Variants in TEX15 observed in about 807,000 individuals in gnomAD.
TEX15 encodes the protein testis expressed 15, meiosis and synapsis associated.
Under a neutral mutation model 237.3 loss-of-function variants are expected in TEX15, and 171 were observed. The observed-to-expected ratio is 0.72, with a 90% CI of 0.64 to 0.82. TEX15 has a LOEUF of 0.82. TEX15 is among the 40% of genes least tolerant of loss of function. The probability of loss-of-function intolerance (pLI) is 0.00; values close to 1 mark genes in which losing one functional copy is unlikely to be tolerated. For synonymous variants in TEX15, 1,338 were observed against 1,269.8 expected, an observed-to-expected ratio of 1.05 and a Z score of -1.14; for missense variants, 3,750 against 3,646.5, an observed-to-expected ratio of 1.03 and a Z score of -0.73.
intron 2 of TEX15, chr8:30,888,696 G>A: frequency 1.2e-5 from 15 of 1,263,272 alleles, no homozygotes; most frequent in Non-Finnish European, 1.5e-5. Flanking sequence ...TCCAACATTA[G>A]ATCACAATCC....
At chr8:30,836,689 A>G (rs1475417224) in intron 10 of TEX15, 114 bp downstream of exon 10, 8 of 971,154 alleles carry the variant, frequency 8.2e-6, no homozygotes, top group Non-Finnish European at 1.2e-5. Context: ...CTGTACAGAA[A>G]AATGACTGCT....
chr8:30,849,442 G>A (rs1807718882), intron 7 of TEX15, 126 bp from the exon 8 acceptor site: 1 of 535,286 alleles, frequency 1.9e-6, no homozygotes, highest in Non-Finnish European at 3.1e-6. Context: ...TGATTAAAAT[G>A]TGTTTTCAAC....
intron 10 of TEX15, among the ~76,000 whole-genome samples, chr8:30,836,022 A>G (rs1163969971): frequency 6.6e-6 from 1 of 152,162 alleles, no homozygotes; most frequent in Non-Finnish European, 1.5e-5. Flanking sequence ...AGAAAATGCA[A>G]GAAAAAATTC....
At chr8:30,860,395 A>T (rs1436928367) in intron 5 of TEX15, among the ~76,000 whole-genome samples, 1 of 150,932 alleles carries the variant, frequency 6.6e-6, no homozygotes, top group East Asian at 1.9e-4. Context: ...TATAGGCATG[A>T]GCCACCGTGC....
intron 1 of TEX15, among the ~76,000 whole-genome samples, chr8:30,907,321 C>A (rs1032467394): frequency 1.3e-5 from 2 of 151,792 alleles, no homozygotes; most frequent in Non-Finnish European, 2.9e-5. Context: ...GGATAATATT[C>A]AAAATTTGCG....
Position 30,848,005 on chromosome 8 carries a change from G to A in TEX15, c.2162C>T (p.Ser721Leu), listed in dbSNP as rs1438289383. The change falls in exon 8 of 11, where the codon TCA (serine) becomes TTA (leucine). Residue 721 changes from serine to leucine, a missense_variant. Coordinates refer to ENST00000643185, the MANE Select transcript of TEX15 (RefSeq NM_001350162.2). Reference protein sequence around the residue: ...WQITPSFESLSQKHPQHSVEY... With the variant: ...WQITPSFESLLQKHPQHSVEY... ...CACAGAGTGCTGAGGATGCTTTTGTGACAGGCTCTCAAAACTTGGAGTAAT... is the reference window on the plus strand; with the variant it reads ...CACAGAGTGCTGAGGATGCTTTTGTAACAGGCTCTCAAAACTTGGAGTAAT... The A allele has an allele frequency of 1.9e-6, 3 of 1,613,918 alleles. No individual in the cohort carries two copies. The highest frequency in any genetic ancestry group is 2.5e-6 in the Non-Finnish European group (3 of 1,179,930).
intron 3 of TEX15, among the ~76,000 whole-genome samples, chr8:30,881,930 T>C (rs1268601938): frequency 6.6e-6 from 1 of 152,080 alleles, no homozygotes; most frequent in East Asian, 1.9e-4. Flanking sequence ...GCCTTTCTTT[T>C]TCTGGTTTCT....
intron 8 of TEX15, 66 bp from the exon 9 acceptor site, chr8:30,840,030 A>ATAG: frequency 2.1e-6 from 2 of 949,386 alleles, no homozygotes; most frequent in Non-Finnish European, 3.0e-6. Context: ...AATAATTATT[A>ATAG]TTTCAATATT....
intron 7 of TEX15, among the ~76,000 whole-genome samples, chr8:30,851,709 G>C (rs1807788077): frequency 6.6e-6 from 1 of 151,734 alleles, no homozygotes; most frequent in South Asian, 2.1e-4. Flanking sequence ...GTTTAGACTG[G>C]GTGAATCTTC....
In TEX15 at chr8:30,844,667, T is replaced by C. The variant is rs763498128; in HGVS notation, c.5500A>G (p.Ile1834Val). The change falls in exon 8 of 11, where the codon ATT becomes GTT. Residue 1834 changes from isoleucine to valine, a missense_variant. Ile to Val is a conservative substitution (Grantham distance 29, BLOSUM62 3). Coordinates refer to ENST00000643185, the MANE Select transcript of TEX15 (RefSeq NM_001350162.2). Reference sequence around the variant, plus strand: ...CTGTCCTCAGTGTCTTTCTTCACAATACATGTTTCTGAAGAGGAGCCTTTT... The same window carrying C: ...CTGTCCTCAGTGTCTTTCTTCACAACACATGTTTCTGAAGAGGAGCCTTTT... ...NVKGSSSETC[I>V]VKKDTEDRIT... 5.0e-6 allele frequency: 8 copies of C among 1,613,332 alleles called. No homozygotes were observed. Among genetic ancestry groups the C allele is most frequent in the African/African-American group, 1.3e-5 (1 of 75,040 alleles).
At position 30,849,176 on chromosome 8, in the gene TEX15, C is replaced by T; in HGVS notation, c.991G>A (p.Glu331Lys). Residue 331 changes from glutamate to lysine, a missense_variant, in exon 8 of 11, where the codon GAG becomes AAG. By Grantham distance (56) the Glu-to-Lys change is moderately conservative. Transcript: ENST00000643185. ...ENCLCNALNSEINPFISNISN... is the reference protein window; with the variant it reads ...ENCLCNALNSKINPFISNISN... ...ATATTTGAGATGAAAGGATTTATCT[C>T]TGAATTTAGTGCATTGCATAAACAG... is the stretch of plus-strand genomic sequence containing the variant. 2 of 1,543,750 alleles carry T rather than the reference C, an allele frequency of 1.3e-6. No homozygotes were observed. The highest frequency in any genetic ancestry group is 2.4e-5 in the East Asian group (1 of 41,158).
At position 30,845,251 on chromosome 8, in the gene TEX15, C is replaced by A. The variant is rs1358140986; in HGVS notation, c.4916G>T (p.Cys1639Phe). Residue 1639 changes from cysteine (C) to phenylalanine (F), a missense_variant, in exon 8 of 11, where the codon TGC (cysteine) becomes TTC (phenylalanine). By Grantham distance (205) the Cys-to-Phe change is radical. Transcript: ENST00000643185. ...AGTTTTCGCCTTTGTGTGACCTATG[C>A]AAGTTGCATCACAATCGTTGCCTGT... is the stretch of plus-strand genomic sequence containing the variant. ...SSTGNDCDAT[C>F]IGHTKAKTDV... 6.2e-7 allele frequency: 1 copy of A among 1,613,444 alleles called. No individual in the cohort carries two copies. Among genetic ancestry groups the A allele is most frequent in the East Asian group, 2.2e-5 (1 of 44,868 alleles).
intron 1 of TEX15, among the ~76,000 whole-genome samples, chr8:30,901,381 A>G (rs1414265685): frequency 1.3e-5 from 2 of 152,214 alleles, no homozygotes; most frequent in East Asian, 3.8e-4. Context: ...TTAGCAAGAA[A>G]AAAAGGCTTA....
At position 30,843,676 on chromosome 8, in the gene TEX15, T is replaced by C. The variant is rs1383444093; in HGVS notation, c.6491A>G (p.Tyr2164Cys). Residue 2164 changes from tyrosine to cysteine, a missense_variant, in exon 8 of 11, where the codon TAT becomes TGT. Coordinates refer to ENST00000643185, the MANE Select transcript of TEX15 (RefSeq NM_001350162.2). Reference protein sequence around the residue: ...EETKREKNSYYVFLKYKRQVN... With the variant: ...EETKREKNSYCVFLKYKRQVN... Reference sequence around the variant, plus strand: ...CTGTCGTTTGTACTTTAAGAATACATAGTATGAATTCTTTTCCCTTTTTGT... The same window carrying C: ...CTGTCGTTTGTACTTTAAGAATACACAGTATGAATTCTTTTCCCTTTTTGT... The C allele has an allele frequency of 6.2e-7, 1 of 1,602,558 alleles. No individual in the cohort carries two copies. Among genetic ancestry groups the C allele is most frequent in the South Asian group, 1.1e-5 (1 of 90,582 alleles).
At position 30,846,825 on chromosome 8, in the gene TEX15, T is replaced by C. The variant is rs150558918; in HGVS notation, c.3342A>G (p.Glu1114=). ...GLLALDNGEM[E]VLESTTGREN... is the part of the protein sequence containing the mutation. ...CCCTTCCTGTGGTGCTTTCCAAAAC[T>C]TCCATCTCCCCGTTATCAAGTGCTA... Residue 1114 remains glutamate, a synonymous_variant, in exon 8 of 11, where the codon GAA becomes GAG. Coordinates refer to ENST00000643185, the MANE Select transcript of TEX15 (RefSeq NM_001350162.2). The C allele has an allele frequency of 1.7e-5, 28 of 1,613,814 alleles. No individual in the cohort carries two copies. The African/African-American group carries it at 2.7e-4, about 15-fold the overall frequency.
chr8:30,889,954 C>CACATATATATATATATACATAT lies in TEX15; in HGVS notation c.-9-2644_-9-2643insATATGTATATATATATATATGT, dbSNP rs1554502343. ...ATATACATATATATATATATATATA[C>CACATATATATATATATACATAT]ATATATATATATATGTATAAGTAAA... On this transcript the variant is annotated intron_variant, in intron 2 of 10. Coordinates refer to ENST00000643185, the MANE Select transcript of TEX15 (RefSeq NM_001350162.2). Among the ~76,000 whole-genome samples the CACATATATATATATATACATAT allele has an allele frequency of 2.0e-3, 223 of 110,082 alleles. 9 individuals are homozygous for CACATATATATATATATACATAT. Among genetic ancestry groups the CACATATATATATATATACATAT allele is most frequent in the African/African-American group, 9.2e-3 (206 of 22,416 alleles). The allele number at this position is 110,082 out of a possible 152,430, so 72.2% of individuals were successfully genotyped here.
chr8:30,833,066 C>A lies in TEX15; in HGVS notation c.*220G>T. The stretch of plus-strand genomic sequence containing the variant: ...TTAACTTTGATCATATTACCCTCCC[C>A]TTATAATTGCATGGAAATAATTCTG... On this transcript the variant is annotated 3_prime_UTR_variant, in exon 11 of 11. Transcript: ENST00000643185. 1 of 417,248 alleles carries A rather than the reference C, an allele frequency of 2.4e-6. No homozygotes were observed. The highest frequency in any genetic ancestry group is 4.3e-6 in the Non-Finnish European group (1 of 232,532). 25.8% of individuals were successfully genotyped at this position (417,248 alleles called of 1,614,324 possible).
chr8:30,883,586 A>G (rs989225228), intron 3 of TEX15, among the ~76,000 whole-genome samples: 3 of 152,060 alleles, frequency 2.0e-5, no homozygotes, highest in Admixed American at 6.6e-5. Flanking sequence ...TCTCCCACGT[A>G]TAAGTGAGAA....
At chr8:30,908,003 T>A (rs1809144709) in intron 1 of TEX15, among the ~76,000 whole-genome samples, 1 of 152,076 alleles carries the variant, frequency 6.6e-6, no homozygotes. Flanking sequence ...CCTTGACCTC[T>A]CAGGCTCAAG....
Sources: allele counts gnomAD v4.1 joint callset (sites outside exome capture counted in the v4.1 genomes callset), GRCh38; gene constraint gnomAD v4.1.1; transcripts MANE v1.5; gene names NCBI Gene and HGNC (gene_info 2026-07-23, HGNC 2026-07-21).